The following PCDH15 variants were observed in gnomAD, a reference collection of about 807,000 sequenced individuals.
PCDH15 encodes protocadherin related 15.
PCDH15 carries 129 observed loss-of-function variants against 178.5 expected under a neutral mutation model. The ratio of observed to expected loss-of-function variants is 0.72; its 90% CI spans 0.63 to 0.84. PCDH15 has a LOEUF of 0.84. PCDH15 is among the 40% of genes least tolerant of loss of function. PCDH15 has a pLI of 0.00. For synonymous variants in PCDH15, 800 were observed against 732.0 expected (o/e 1.09, Z -1.50); for missense variants, 2,230 against 2,099.9 (o/e 1.06, Z -1.21).
At chr10:55,368,136 GA>G (rs1465194980) in intron 2 of PCDH15, among the ~76,000 whole-genome samples, 1 of 151,930 alleles carries the variant, frequency 6.6e-6, no homozygotes, top group Non-Finnish European at 1.5e-5. Context: ...AAGCAATAAA[GA>G]CAGAATGATA....
chr10:54,246,656 T>A lies in PCDH15; in HGVS notation c.877-9725A>T, dbSNP rs534235444. ...TAATGCTCTTACGAACACTCTTGAG[T>A]ATGTCTTCTTACTGATATGATTGCA... On this transcript the variant is annotated intron_variant, in intron 8 of 37. Coordinates refer to ENST00000644397, the MANE Select transcript of PCDH15 (RefSeq NM_001384140.1). Among the ~76,000 whole-genome samples the A allele has an allele frequency of 3.3e-5, 5 of 152,006 alleles. No homozygotes were observed. The East Asian group carries it at 9.7e-4, about 29-fold the overall frequency.
At chr10:54,008,414 T>C (rs1245106507) in intron 20 of PCDH15, among the ~76,000 whole-genome samples, 1 of 152,166 alleles carries the variant, frequency 6.6e-6, no homozygotes, top group African/African-American at 2.4e-5. Flanking sequence ...TAAAGGGATG[T>C]TGAGGCAACA....
intron 1 of PCDH15, among the ~76,000 whole-genome samples, chr10:55,302,562 G>C (rs192738341): frequency 3.2e-3 from 485 of 152,170 alleles, no homozygotes; most frequent in Non-Finnish European, 5.7e-3. Context: ...TCCCTCAGGG[G>C]AGCCAGCCTT....
chr10:54,537,611 G>T (rs1448764195), intron 2 of PCDH15, among the ~76,000 whole-genome samples: 1 of 152,110 alleles, frequency 6.6e-6, no homozygotes, highest in Non-Finnish European at 1.5e-5. Flanking sequence ...ATGCAAGATT[G>T]GTTCAATGTA....
chr10:54,573,326 C>A lies in PCDH15; in HGVS notation c.92-45449G>T, dbSNP rs528132097. On this transcript the variant is annotated intron_variant, in intron 2 of 37. Coordinates refer to ENST00000644397, the MANE Select transcript of PCDH15 (RefSeq NM_001384140.1). ...ATAATTTTAATAAAAAACACTTAAC[C>A]AAAGTGCTGAGGCTGTGTTTACAAT... 3.9e-5 allele frequency among the ~76,000 whole-genome samples: 6 copies of A among 152,126 alleles called. No homozygotes were observed. The East Asian group carries it at 1.2e-3, about 29-fold the overall frequency.
chr10:54,606,016 GGCT>G (rs2092725525), intron 2 of PCDH15: 1 of 152,114 alleles, frequency 6.6e-6, no homozygotes, highest in Non-Finnish European at 1.5e-5. Flanking sequence ...TGTTTAAAAT[GGCT>G]GCTTTGTTTT....
intron 18 of PCDH15, among the ~76,000 whole-genome samples, chr10:54,048,312 A>G (rs1008324680): frequency 6.6e-6 from 1 of 152,064 alleles, no homozygotes; most frequent in African/African-American, 2.4e-5. Flanking sequence ...TAGACATCTA[A>G]AAGCTGCATA....
At chr10:54,608,654 G>A (rs1230134734) in intron 2 of PCDH15, among the ~76,000 whole-genome samples, 2 of 151,898 alleles carry the variant, frequency 1.3e-5, no homozygotes, top group East Asian at 1.9e-4. Context: ...ACAAAATGAT[G>A]TGACTTAGTC....
chr10:53,956,516 C>T (rs1213101967), intron 23 of PCDH15, among the ~76,000 whole-genome samples: 2 of 151,996 alleles, frequency 1.3e-5, no homozygotes, highest in African/African-American at 2.4e-5. Flanking sequence ...TCATATTTGG[C>T]ATAACATTTA....
At chr10:53,927,740 C>A (rs2084692451) in intron 25 of PCDH15, among the ~76,000 whole-genome samples, 1 of 152,104 alleles carries the variant, frequency 6.6e-6, no homozygotes, top group South Asian at 2.1e-4. Context: ...CTATTCTCTT[C>A]TTTGGGATCT....
chr10:55,034,528 C>A (rs140575365), intron 2 of PCDH15, among the ~76,000 whole-genome samples: 3 of 152,046 alleles, frequency 2.0e-5, no homozygotes, highest in African/African-American at 7.2e-5. Context: ...GCCTACTATA[C>A]GCCAACCAGT....
At chr10:54,446,672 T>G (rs1406315894) in intron 3 of PCDH15, among the ~76,000 whole-genome samples, 1 of 151,624 alleles carries the variant, frequency 6.6e-6, no homozygotes, top group Non-Finnish European at 1.5e-5. Flanking sequence ...CTCTTTAATG[T>G]ATGCATATTT....
chr10:55,533,578 T>A (rs1841506154), intron 2 of PCDH15, among the ~76,000 whole-genome samples: 1 of 151,930 alleles, frequency 6.6e-6, no homozygotes, highest in Non-Finnish European at 1.5e-5. Flanking sequence ...AAATCAAAGA[T>A]GACATAAATG....
intron 2 of PCDH15, among the ~76,000 whole-genome samples, chr10:55,424,005 G>A (rs1838687947): frequency 1.3e-5 from 2 of 152,024 alleles, no homozygotes; most frequent in South Asian, 2.1e-4. Context: ...AATTGAGGAA[G>A]ACACACACAA....
chr10:54,997,337 A>C (rs1407707113), intron 2 of PCDH15, among the ~76,000 whole-genome samples: 1 of 152,168 alleles, frequency 6.6e-6, no homozygotes, highest in Non-Finnish European at 1.5e-5. Context: ...TGTTGCATCT[A>C]ACAAATTGGC....
chr10:55,103,042 A>T (rs1842607007), intron 2 of PCDH15, among the ~76,000 whole-genome samples: 1 of 151,096 alleles, frequency 6.6e-6, no homozygotes, highest in Admixed American at 6.6e-5. Flanking sequence ...GATGTGGAAG[A>T]GGGGCAGGCG....
At chr10:54,443,874 C>T (rs1334166822) in intron 3 of PCDH15, among the ~76,000 whole-genome samples, 1 of 151,636 alleles carries the variant, frequency 6.6e-6, no homozygotes, top group African/African-American at 2.4e-5. Flanking sequence ...TGTAACAGAG[C>T]TCTAAGCTAT....
intron 2 of PCDH15, among the ~76,000 whole-genome samples, chr10:55,359,168 G>A (rs1382545347): frequency 6.6e-6 from 1 of 151,828 alleles, no homozygotes; most frequent in African/African-American, 2.4e-5. Flanking sequence ...CTGCACCCCA[G>A]CCTGGGTGAC....
In PCDH15 at chr10:54,195,944, T is replaced by C. The variant is rs899558904; in HGVS notation, c.1099-55A>G. The C allele has an allele frequency of 1.3e-5, 20 of 1,526,276 alleles. No individual in the cohort carries two copies. The African/African-American group carries it at 2.5e-4, about 19-fold the overall frequency. 94.5% of individuals were successfully genotyped at this position (1,526,276 alleles called of 1,614,324 possible). The stretch of plus-strand genomic sequence containing the variant: ...GAAAGTATATGTCGTGCTATCTTTT[T>C]GGAGTTTCACTTTTCATGCAATATA... On this transcript the variant is annotated intron_variant, in intron 10 of 37. Transcript: ENST00000644397.
Sources: allele counts gnomAD v4.1 joint callset (sites outside exome capture counted in the v4.1 genomes callset), GRCh38; gene constraint gnomAD v4.1.1; transcripts MANE v1.5; gene names NCBI Gene and HGNC (gene_info 2026-07-23, HGNC 2026-07-21).